Variants in DOK6 observed in about 807,000 individuals in gnomAD.
DOK6 encodes the protein downstream of tyrosine kinase 6.
Under a neutral mutation model 44.0 loss-of-function variants are expected in DOK6, and 22 were observed. The observed-to-expected ratio is 0.50, with a 90% confidence interval of 0.36 to 0.71. DOK6 has a LOEUF of 0.71. Ranked by LOEUF, DOK6 falls within the 30% of genes least tolerant of loss-of-function variation. The probability of loss-of-function intolerance (pLI) is 0.00; values close to 1 mark genes in which losing one functional copy is unlikely to be tolerated. For synonymous variants in DOK6, 166 were observed against 145.5 expected (o/e 1.14, Z -1.01); for missense variants, 340 against 416.4 (o/e 0.82, Z 1.60).
chr18:69,777,763 A>AAAG (rs1241514605), intron 7 of DOK6: 1 of 151,940 alleles, frequency 6.6e-6, no homozygotes, highest in Non-Finnish European at 1.5e-5. Flanking sequence ...AAAAAAAAAA[A>AAAG]AAAAGCAGAA....
At chr18:69,594,384 C>T (rs1983692887) in intron 2 of DOK6, among the ~76,000 whole-genome samples, 1 of 151,684 alleles carries the variant, frequency 6.6e-6, no homozygotes. Flanking sequence ...TACTTAAAAT[C>T]ACCCATATTA....
chr18:69,584,608 A>T (rs771407719), intron 2 of DOK6, among the ~76,000 whole-genome samples: 46 of 151,688 alleles, frequency 3.0e-4, no homozygotes, highest in Non-Finnish European at 6.3e-4. Context: ...TGGTTTTTGC[A>T]TCAATATTAA....
chr18:69,689,198 G>A (rs1221162561), intron 4 of DOK6, among the ~76,000 whole-genome samples: 1 of 152,154 alleles, frequency 6.6e-6, no homozygotes, highest in South Asian at 2.1e-4. Context: ...TGAGGGCCTG[G>A]ACAACTGAAA....
At chr18:69,634,738 G>C (rs2144649357) in intron 3 of DOK6, among the ~76,000 whole-genome samples, 1 of 152,246 alleles carries the variant, frequency 6.6e-6, no homozygotes, top group South Asian at 2.1e-4. Flanking sequence ...ACAGACAACA[G>C]ACAAGTAAAC....
intron 3 of DOK6, among the ~76,000 whole-genome samples, chr18:69,604,217 C>T (rs77897240): frequency 0.011 from 1,635 of 152,250 alleles, 19 homozygotes; most frequent in African/African-American, 0.037. Flanking sequence ...ATTAGTATAA[C>T]CACAAAAGAC....
chr18:69,459,096 A>AC (rs1979711135), intron 1 of DOK6, among the ~76,000 whole-genome samples: 2 of 77,234 alleles, frequency 2.6e-5, no homozygotes, highest in African/African-American at 5.9e-5. Flanking sequence ...ACTCCCCCCA[A>AC]CAACCCCCCC....
chr18:69,448,376 T>C (rs980497429), intron 1 of DOK6, among the ~76,000 whole-genome samples: 13 of 152,158 alleles, frequency 8.5e-5, no homozygotes, highest in Admixed American at 8.5e-4. Flanking sequence ...TTTTTATTTT[T>C]ACTTTTATTT....
intron 7 of DOK6, among the ~76,000 whole-genome samples, chr18:69,793,927 C>A (rs1004775897): frequency 1.3e-5 from 2 of 152,098 alleles, no homozygotes; most frequent in African/African-American, 4.8e-5. Flanking sequence ...ACTGAGGACT[C>A]TTTTCTTGTT....
At chr18:69,690,201 T>G (rs1986235239) in intron 4 of DOK6, among the ~76,000 whole-genome samples, 1 of 152,084 alleles carries the variant, frequency 6.6e-6, no homozygotes, top group African/African-American at 2.4e-5. Context: ...TTTTTTTTTT[T>G]AAGTACTGCT....
rs111360276 is a variant in DOK6 at position 69,774,133 on chromosome 18, G to GATATATAT, written c.856+16276_856+16283dup. Reference sequence around the variant, plus strand: ...TAGATTTATATAGATATATATATGAGATATATATATATATATATATATAAT... The same window carrying GATATATAT: ...TAGATTTATATAGATATATATATGAGATATATATATATATATATATATATATATATAAT... On this transcript the variant is annotated intron_variant, in intron 7 of 7. Coordinates refer to ENST00000382713, the MANE Select transcript of DOK6 (RefSeq NM_152721.6). Among the ~76,000 whole-genome samples, 226 of 66,894 alleles carry GATATATAT rather than the reference G, an allele frequency of 3.4e-3. 16 individuals carry two copies. The highest frequency in any genetic ancestry group is 8.6e-3 in the South Asian group (12 of 1,388). The allele number at this position is 66,894 out of a possible 152,430, so 43.9% of individuals were successfully genotyped here. A position where few individuals can be genotyped will look rare whatever the true frequency, so the allele number is the denominator to read the frequency against.
At chr18:69,789,599 A>G (rs965110661) in intron 7 of DOK6, among the ~76,000 whole-genome samples, 12 of 152,210 alleles carry the variant, frequency 7.9e-5, no homozygotes, top group African/African-American at 2.9e-4. Context: ...TAAGCAACTG[A>G]GAACCTGAGA....
chr18:69,646,883 A>G (rs571772745), intron 3 of DOK6, among the ~76,000 whole-genome samples: 6 of 152,184 alleles, frequency 3.9e-5, no homozygotes, highest in African/African-American at 1.4e-4. Flanking sequence ...TGTCTGGTCA[A>G]TATCTTGATT....
At position 69,847,773 on chromosome 18, in the gene DOK6, A is replaced by AATATAT. The variant is rs1555674697; in HGVS notation, c.*6397_*6402dup. On this transcript the variant is annotated 3_prime_UTR_variant, in exon 8 of 8. Transcript: ENST00000382713. The stretch of plus-strand genomic sequence containing the variant: ...AATGCTTACTCTTGTAAAAAAAAAA[A>AATATAT]ATATATATATATGTATCAGCAGGTA... 3 of 150,522 alleles carry AATATAT rather than the reference A, an allele frequency of 2.0e-5. No homozygotes were observed. Among genetic ancestry groups the AATATAT allele is most frequent in the South Asian group, 2.1e-4 (1 of 4,788 alleles). 9.3% of individuals were successfully genotyped at this position (150,522 alleles called of 1,614,324 possible). A position where few individuals can be genotyped will look rare whatever the true frequency, so the allele number is the denominator to read the frequency against.
At chr18:69,630,345 T>A (rs1984661557) in intron 3 of DOK6, among the ~76,000 whole-genome samples, 1 of 152,174 alleles carries the variant, frequency 6.6e-6, no homozygotes. Flanking sequence ...CTATGCTTCC[T>A]TGGAATTAAA....
chr18:69,778,277 C>T (rs1980142792), intron 7 of DOK6, among the ~76,000 whole-genome samples: 1 of 152,084 alleles, frequency 6.6e-6, no homozygotes, highest in Admixed American at 6.6e-5. Flanking sequence ...TATGGCTTAA[C>T]TCAGGTCCTC....
chr18:69,638,546 A>G (rs1349210695), intron 3 of DOK6, among the ~76,000 whole-genome samples: 1 of 151,284 alleles, frequency 6.6e-6, no homozygotes, highest in Non-Finnish European at 1.5e-5. Context: ...TGAAGTATTT[A>G]GTATTTTCCA....
At chr18:69,612,027 A>G (rs11151517) in intron 3 of DOK6, among the ~76,000 whole-genome samples, 144,974 of 152,188 alleles carry the variant, frequency 0.95, 69,454 homozygotes, top group East Asian at 1. Context: ...TCAACACCCT[A>G]GTTGTCATAT....
At chr18:69,523,766 A>G (rs1330699938) in intron 1 of DOK6, among the ~76,000 whole-genome samples, 1 of 151,974 alleles carries the variant, frequency 6.6e-6, no homozygotes, top group Non-Finnish European at 1.5e-5. Context: ...CAGTGATCCA[A>G]GAAAATATTG....
chr18:69,723,030 GTCT>G (rs1007945646), intron 5 of DOK6, among the ~76,000 whole-genome samples: 74 of 152,260 alleles, frequency 4.9e-4, no homozygotes, highest in Admixed American at 3.1e-3. Flanking sequence ...CAGAAACTAA[GTCT>G]TTTTTATTTA....
Sources: allele counts gnomAD v4.1 joint callset (sites outside exome capture counted in the v4.1 genomes callset), GRCh38; gene constraint gnomAD v4.1.1; transcripts MANE v1.5; gene names NCBI Gene and HGNC (gene_info 2026-07-23, HGNC 2026-07-21).